The following FARP1 variants were observed in gnomAD, a reference collection of about 807,000 sequenced individuals.
FARP1 encodes the protein FERM, ARHGEF and pleckstrin domain-containing protein 1.
Under a neutral mutation model 128.8 loss-of-function variants are expected in FARP1, and 52 were observed. The ratio of observed to expected loss-of-function variants is 0.40; its 90% confidence interval spans 0.32 to 0.51. The LOEUF (loss-of-function observed/expected upper bound fraction) is 0.51, where lower values mean the gene tolerates loss of function less well. FARP1 is among the 20% of genes least tolerant of loss of function. The pLI, the probability that FARP1 is intolerant of heterozygous loss-of-function variation, is 0.45. For synonymous variants in FARP1, 580 were observed against 551.8 expected (o/e 1.05, Z -0.72); for missense variants, 1,333 against 1,367.9 (o/e 0.97, Z 0.40).
chr13:98,353,862 C>T (rs1277512847), intron 3 of FARP1, among the ~76,000 whole-genome samples: 1 of 151,028 alleles, frequency 6.6e-6, no homozygotes, highest in Admixed American at 6.6e-5. Context: ...GTTAACTCTT[C>T]TTACCACAAT....
At chr13:98,169,023 C>G (rs1382137279) in intron 1 of FARP1, among the ~76,000 whole-genome samples, 4 of 152,076 alleles carry the variant, frequency 2.6e-5, no homozygotes, top group Non-Finnish European at 5.9e-5. Context: ...TCTTCAAAAA[C>G]TGTTTTTTTT....
intron 11 of FARP1, among the ~76,000 whole-genome samples, chr13:98,392,646 G>A (rs1256567149): frequency 6.6e-6 from 1 of 152,062 alleles, no homozygotes; most frequent in African/African-American, 2.4e-5. Flanking sequence ...GTAGTATGAA[G>A]ATACTACACT....
chr13:98,151,775 C>A (rs1319458717), intron 1 of FARP1, among the ~76,000 whole-genome samples: 1 of 146,656 alleles, frequency 6.8e-6, no homozygotes, highest in African/African-American at 2.5e-5. Context: ...AATTCTCCTG[C>A]CTCAGCATCC....
At chr13:98,180,454 AT>A (rs1878427072) in intron 1 of FARP1, among the ~76,000 whole-genome samples, 1 of 152,162 alleles carries the variant, frequency 6.6e-6, no homozygotes, top group African/African-American at 2.4e-5. Context: ...GGGGACAGAC[AT>A]CCAAACCGTA....
intron 6 of FARP1, among the ~76,000 whole-genome samples, chr13:98,382,861 C>T (rs916600716): frequency 1.3e-5 from 2 of 152,138 alleles, no homozygotes; most frequent in Non-Finnish European, 1.5e-5. Flanking sequence ...TGTGCTGAAG[C>T]GCTGTCTGTC....
chr13:98,357,621 T>G (rs1888692974), intron 3 of FARP1, among the ~76,000 whole-genome samples: 1 of 152,206 alleles, frequency 6.6e-6, no homozygotes, highest in African/African-American at 2.4e-5. Flanking sequence ...CTTCCATATC[T>G]CAACTTTTCA....
chr13:98,448,511 C>CT lies in FARP1; in HGVS notation c.*194_*195insT. On this transcript the variant is annotated 3_prime_UTR_variant, in exon 27 of 27. Coordinates refer to ENST00000319562, the MANE Select transcript of FARP1 (RefSeq NM_005766.4). Reference sequence around the variant, plus strand: ...TCTGAATGAACAGCGCTCCCACCTCCAGTCCTGGCATCCGCTGGGGGCGCT... The same window carrying CT: ...TCTGAATGAACAGCGCTCCCACCTCCTAGTCCTGGCATCCGCTGGGGGCGCT... 1.7e-6 allele frequency: 1 copy of CT among 582,710 alleles called. No individual in the cohort carries two copies. Among genetic ancestry groups the CT allele is most frequent in the South Asian group, 2.0e-5 (1 of 48,834 alleles). 36.1% of individuals were successfully genotyped at this position (582,710 alleles called of 1,614,324 possible).
intron 2 of FARP1, among the ~76,000 whole-genome samples, chr13:98,267,836 A>G (rs1884201099): frequency 6.6e-6 from 1 of 152,004 alleles, no homozygotes; most frequent in Non-Finnish European, 1.5e-5. Context: ...CTTTTGGTTA[A>G]CCTGCAGTAC....
Position 98,440,332 on chromosome 13 carries a change from T to C in FARP1, c.2629+97T>C, listed in dbSNP as rs1892472938. ...GCCACCCCATCGGGTAGGCCTCACATCCGTGGTGTACATTTGTGTTTAAAG... is the reference window on the plus strand; with the variant it reads ...GCCACCCCATCGGGTAGGCCTCACACCCGTGGTGTACATTTGTGTTTAAAG... On this transcript the variant is annotated intron_variant, in intron 23 of 26. Transcript: ENST00000319562. 3.4e-6 allele frequency: 3 copies of C among 870,062 alleles called. No homozygotes were observed. The South Asian group carries it at 4.0e-5, about 12-fold the overall frequency. The allele number at this position is 870,062 out of a possible 1,614,324, so 53.9% of individuals were successfully genotyped here.
intron 3 of FARP1, among the ~76,000 whole-genome samples, chr13:98,352,673 TA>T (rs1888484828): frequency 6.6e-6 from 1 of 152,204 alleles, no homozygotes; most frequent in South Asian, 2.1e-4. Context: ...TAATGATATT[TA>T]AAAAACAGAG....
intron 1 of FARP1, among the ~76,000 whole-genome samples, chr13:98,145,147 T>C (rs7990901): frequency 0.11 from 16,371 of 152,226 alleles, 1,242 homozygotes; most frequent in African/African-American, 0.21. Flanking sequence ...AGTGAGTAGA[T>C]GCCTTCCTAG....
chr13:98,282,671 G>A (rs562632165), intron 2 of FARP1, among the ~76,000 whole-genome samples: 6 of 152,272 alleles, frequency 3.9e-5, no homozygotes, highest in East Asian at 1.9e-4. Context: ...TTGAGAGGCC[G>A]AGGCAGGCGG....
chr13:98,244,676 C>T, intron 2 of FARP1: 2 of 1,614,102 alleles, frequency 1.2e-6, no homozygotes, highest in Non-Finnish European at 8.5e-7. Flanking sequence ...GCTTAGCGGT[C>T]ACAGTCACTG....
chr13:98,372,553 C>T (rs763772089), intron 5 of FARP1, among the ~76,000 whole-genome samples: 1 of 152,190 alleles, frequency 6.6e-6, no homozygotes, highest in Admixed American at 6.5e-5. Flanking sequence ...ACATGCTGCT[C>T]TGCGCCCTGC....
At chr13:98,405,642 C>T (rs1402378922) in intron 13 of FARP1, 2 of 152,160 alleles carry the variant, frequency 1.3e-5, no homozygotes, top group Non-Finnish European at 1.5e-5. Flanking sequence ...ATTTTGAAAA[C>T]ATTCAAAGCC....
At chr13:98,310,078 A>AT (rs1304691156) in intron 2 of FARP1, among the ~76,000 whole-genome samples, 2 of 38,820 alleles carry the variant, frequency 5.2e-5, no homozygotes, top group African/African-American at 1.5e-4. Context: ...AATAGATTAC[A>AT]TGTTTTTTTT....
intron 1 of FARP1, among the ~76,000 whole-genome samples, chr13:98,204,372 TA>T (rs1880138355): frequency 6.6e-6 from 1 of 152,236 alleles, no homozygotes; most frequent in African/African-American, 2.4e-5. Context: ...ATCTTCCTAT[TA>T]TCAGTTTTAA....
chr13:98,426,564 A>G (rs1272535558), intron 17 of FARP1, among the ~76,000 whole-genome samples: 2 of 152,236 alleles, frequency 1.3e-5, no homozygotes, highest in African/African-American at 2.4e-5. Flanking sequence ...TGAGTAGCAC[A>G]GAAAAGACAG....
intron 2 of FARP1, among the ~76,000 whole-genome samples, chr13:98,334,899 C>T (rs1164920495): frequency 6.6e-6 from 1 of 152,196 alleles, no homozygotes; most frequent in Non-Finnish European, 1.5e-5. Context: ...CCCTCCAGAA[C>T]TGTGAAAACA....
Sources: allele counts gnomAD v4.1 joint callset (sites outside exome capture counted in the v4.1 genomes callset), GRCh38; gene constraint gnomAD v4.1.1; transcripts MANE v1.5; gene names NCBI Gene and HGNC (gene_info 2026-07-23, HGNC 2026-07-21).